The following SGCZ variants were observed in gnomAD, a reference collection of about 807,000 sequenced individuals.
SGCZ encodes the protein zeta-sarcoglycan.
SGCZ carries 40 observed loss-of-function variants against 41.3 expected under a neutral mutation model. The observed-to-expected ratio is 0.97, with a 90% CI of 0.75 to 1.26. The LOEUF (loss-of-function observed/expected upper bound fraction) is 1.26, where lower values mean the gene tolerates loss of function less well. SGCZ is among the 50% of genes most tolerant of loss of function. The pLI, the probability that SGCZ is intolerant of heterozygous loss-of-function variation, is 0.00. For missense variants in SGCZ, 552 were observed against 369.8 expected (o/e 1.49, Z -4.04); for synonymous variants, 206 against 137.5 (o/e 1.50, Z -3.49).
At chr8:14,334,030 C>G (rs1001974278) in intron 2 of SGCZ, among the ~76,000 whole-genome samples, 1 of 151,994 alleles carries the variant, frequency 6.6e-6, no homozygotes, top group African/African-American at 2.4e-5. Context: ...AAAAATGAGC[C>G]AGGGAGGTAA....
At chr8:14,860,752 G>GAAAGAAAGAAAGAAAGAA in intron 1 of SGCZ, among the ~76,000 whole-genome samples, 1 of 129,398 alleles carries the variant, frequency 7.7e-6, no homozygotes, top group Non-Finnish European at 1.6e-5. Context: ...GTAAGTAAGT[G>GAAAGAAAGAAAGAAAGAA]AGGGAGGGAG....
At chr8:14,264,490 T>C (rs553568790) in intron 3 of SGCZ, among the ~76,000 whole-genome samples, 13 of 152,194 alleles carry the variant, frequency 8.5e-5, no homozygotes, top group Admixed American at 6.6e-4. Context: ...GCAGTAGACC[T>C]GCGGCAAACC....
chr8:14,434,458 T>G (rs1800031348), intron 2 of SGCZ, among the ~76,000 whole-genome samples: 1 of 152,204 alleles, frequency 6.6e-6, no homozygotes, highest in African/African-American at 2.4e-5. Context: ...CGGCTGTTTT[T>G]GGGTTCCATA....
At chr8:14,262,582 T>C (rs1283140245) in intron 3 of SGCZ, among the ~76,000 whole-genome samples, 1 of 151,826 alleles carries the variant, frequency 6.6e-6, no homozygotes, top group Non-Finnish European at 1.5e-5. Flanking sequence ...ATTTCCATAT[T>C]TAATTATAAA....
chr8:14,564,219 A>C (rs1338664679), intron 1 of SGCZ, among the ~76,000 whole-genome samples: 2 of 152,212 alleles, frequency 1.3e-5, no homozygotes, highest in Non-Finnish European at 2.9e-5. Context: ...ATGCAAATTT[A>C]ATCTGGATTC....
At chr8:14,942,130 T>A (rs886501323) in intron 1 of SGCZ, among the ~76,000 whole-genome samples, 3 of 151,970 alleles carry the variant, frequency 2.0e-5, no homozygotes, top group Non-Finnish European at 4.4e-5. Flanking sequence ...TAGACTAGTA[T>A]GCATTGTCTG....
chr8:14,325,791 T>C (rs1482696635), intron 2 of SGCZ, among the ~76,000 whole-genome samples: 29 of 100,612 alleles, frequency 2.9e-4, no homozygotes, highest in African/African-American at 1.0e-3. Context: ...TATATATATA[T>C]ATCAACCAGC....
chr8:14,246,461 G>A (rs1301701995), intron 3 of SGCZ, among the ~76,000 whole-genome samples: 10 of 151,938 alleles, frequency 6.6e-5, no homozygotes, highest in East Asian at 2.0e-4. Context: ...TGGGGGGAGC[G>A]GGGAGGGATA....
chr8:14,330,782 G>A (rs1007203037), intron 2 of SGCZ, among the ~76,000 whole-genome samples: 6 of 151,944 alleles, frequency 3.9e-5, no homozygotes, highest in Non-Finnish European at 7.4e-5. Context: ...AAATGTAATG[G>A]CCATAGTGCT....
rs73521040 is a variant in SGCZ at position 15,013,626 on chromosome 8, A to G, written c.39+223959T>C. Among the ~76,000 whole-genome samples the G allele has an allele frequency of 2.0e-3, 311 of 152,296 alleles. 3 individuals carry two copies. Among genetic ancestry groups the G allele is most frequent in the African/African-American group, 7.0e-3 (293 of 41,562 alleles). ...TGGAAAGAACCCAGAATCAGAACAG[A>G]CAGACCTGGTTTCAAATTTGGACTC... is the stretch of plus-strand genomic sequence containing the variant. On this transcript the variant is annotated intron_variant, in intron 1 of 7. Transcript: ENST00000382080.
intron 1 of SGCZ, among the ~76,000 whole-genome samples, chr8:15,076,801 C>G (rs532850437): frequency 5.3e-5 from 8 of 151,056 alleles, no homozygotes; most frequent in Middle Eastern, 3.4e-3. Context: ...CACCGCCTCC[C>G]TCCAGCATTC....
At chr8:14,164,831 G>C in intron 4 of SGCZ, 129 bp from the exon 5 acceptor site, 3 of 1,157,918 alleles carry the variant, frequency 2.6e-6, no homozygotes, top group Non-Finnish European at 3.6e-6. Flanking sequence ...TTTTGCATCT[G>C]AGTTAGTATC....
chr8:14,719,062 T>G (rs1212425934), intron 1 of SGCZ, among the ~76,000 whole-genome samples: 1 of 141,438 alleles, frequency 7.1e-6, no homozygotes, highest in African/African-American at 2.6e-5. Context: ...GTCCGTGTGT[T>G]CTCATTGTTC....
At chr8:14,208,652 T>C (rs2117089047) in intron 4 of SGCZ, among the ~76,000 whole-genome samples, 1 of 152,250 alleles carries the variant, frequency 6.6e-6, no homozygotes, top group South Asian at 2.1e-4. Flanking sequence ...GTTATTACCA[T>C]TATGAAAACA....
chr8:14,460,756 T>C (rs1800879942), intron 2 of SGCZ, among the ~76,000 whole-genome samples: 1 of 152,210 alleles, frequency 6.6e-6, no homozygotes, highest in Non-Finnish European at 1.5e-5. Context: ...AATAGCAAGA[T>C]GCCTAACTTT....
intron 2 of SGCZ, among the ~76,000 whole-genome samples, chr8:14,376,524 T>A (rs922980203): frequency 6.6e-6 from 1 of 152,088 alleles, no homozygotes. Flanking sequence ...GATGAACTTA[T>A]ACAGAAGAAA....
At chr8:14,759,133 A>T (rs1207851889) in intron 1 of SGCZ, among the ~76,000 whole-genome samples, 1 of 152,192 alleles carries the variant, frequency 6.6e-6, no homozygotes, top group African/African-American at 2.4e-5. Flanking sequence ...CTGACAACTA[A>T]GAAGCTTCCA....
At chr8:15,227,678 G>A (rs1801822245) in intron 1 of SGCZ, among the ~76,000 whole-genome samples, 1 of 152,154 alleles carries the variant, frequency 6.6e-6, no homozygotes, top group African/African-American at 2.4e-5. Context: ...CTGTGACACT[G>A]TTCGTCAATA....
intron 2 of SGCZ, among the ~76,000 whole-genome samples, chr8:14,426,101 T>C (rs528961673): frequency 6.6e-6 from 1 of 152,308 alleles, no homozygotes; most frequent in South Asian, 2.1e-4. Flanking sequence ...CAAATGTTTA[T>C]TGAGTGCCTG....
Sources: allele counts gnomAD v4.1 joint callset (sites outside exome capture counted in the v4.1 genomes callset), GRCh38; gene constraint gnomAD v4.1.1; transcripts MANE v1.5; gene names NCBI Gene and HGNC (gene_info 2026-07-23, HGNC 2026-07-21).